CERS1: variants seen among roughly 807,000 people sequenced by gnomAD.
CERS1 encodes Embryonic growth/differentiation factor 1.
In CERS1, 16 loss-of-function variants were observed where a neutral mutation model predicts 35.7. That is an observed-to-expected ratio of 0.45 (90% CI 0.30 to 0.68). The LOEUF (loss-of-function observed/expected upper bound fraction) is 0.68, where lower values mean the gene tolerates loss of function less well. Ranked by LOEUF, CERS1 falls within the 30% of genes least tolerant of loss-of-function variation. The probability of loss-of-function intolerance (pLI) is 0.08; values close to 1 mark genes in which losing one functional copy is unlikely to be tolerated. For missense variants in CERS1, 454 were observed against 453.9 expected, an observed-to-expected ratio of 1.00 and a Z score of 0.00; for synonymous variants, 243 against 201.6, an observed-to-expected ratio of 1.21 and a Z score of -1.74.
rs777923172 is a variant in CERS1 at position 18,880,406 on chromosome 19, A to G, written c.620T>C (p.Phe207Ser). 6.3e-7 allele frequency: 1 copy of G among 1,592,594 alleles called. No individual in the cohort carries two copies. Among genetic ancestry groups the G allele is most frequent in the Non-Finnish European group, 8.5e-7 (1 of 1,169,774 alleles). Reference sequence around the variant, plus strand: ...CTGCACGTCACTGATATCGTGCAGGAAGAGCACAAGGATGCCCACATTGTG... The same window carrying G: ...CTGCACGTCACTGATATCGTGCAGGGAGAGCACAAGGATGCCCACATTGTG... ...RYHNVGILVL[F>S]LHDISDVQLE... Residue 207 changes from phenylalanine to serine, a missense_variant, in exon 4 of 8, where the codon TTC becomes TCC. Physicochemically the swap from Phe to Ser is radical, Grantham distance 155. Coordinates refer to ENST00000623882, the MANE Select transcript of CERS1 (RefSeq NM_021267.5).
At chr19:18,880,214 G>T in intron 4 of CERS1, 60 bp downstream of exon 4, 2 of 1,455,490 alleles carry the variant, frequency 1.4e-6, no homozygotes, top group South Asian at 1.4e-5. Context: ...CCCCTTTTCT[G>T]GACACACCCA....
At chr19:18,890,147 G>C (rs2056455898) in intron 2 of CERS1, among the ~76,000 whole-genome samples, 1 of 152,160 alleles carries the variant, frequency 6.6e-6, no homozygotes, top group Admixed American at 6.5e-5. Flanking sequence ...CACTTGCCTG[G>C]ACAGCAGTCC....
rs1051390015 is a variant in CERS1 at position 18,878,499 on chromosome 19, G to A, written c.1010+431C>T. The A allele has an allele frequency of 1.0e-6, 1 of 1,001,426 alleles. No individual in the cohort carries two copies. Among genetic ancestry groups the A allele is most frequent in the Admixed American group, 5.4e-5 (1 of 18,442 alleles). 62.0% of individuals were successfully genotyped at this position (1,001,426 alleles called of 1,614,324 possible). On this transcript the variant is annotated intron_variant, in intron 6 of 7. Coordinates refer to ENST00000623882, the MANE Select transcript of CERS1 (RefSeq NM_021267.5). This position sits in a 1 kb window ranked among gnomAD's most constrained non-coding sequence, Gnocchi z 4.6. The stretch of plus-strand genomic sequence containing the variant: ...GGATGTCTCGGCCCAGATGGAGCCT[G>A]GGTTCTCTCTGTGGCCCTTGGCGTT...
chr19:18,879,203 G>T, intron 5 of CERS1, 38 bp downstream of exon 5: 1 of 1,611,832 alleles, frequency 6.2e-7, no homozygotes, highest in South Asian at 1.1e-5. Context: ...GGACGAGGAC[G>T]GGACCGCCAC....
rs2056124922 is a variant in CERS1, at chr19:18,879,049, G to A, written c.901-10C>T. On this transcript the variant is annotated splice_polypyrimidine_tract_variant and intron_variant, in intron 5 of 7. Coordinates refer to ENST00000623882, the MANE Select transcript of CERS1 (RefSeq NM_021267.5). ...CAAACGCCACGATGTACTGCGAGAGGGGAGGGGAGGTGCCAGTGAGAAGAA... is the reference window on the plus strand; with the variant it reads ...CAAACGCCACGATGTACTGCGAGAGAGGAGGGGAGGTGCCAGTGAGAAGAA... 1.2e-6 allele frequency: 2 copies of A among 1,612,720 alleles called. No individual in the cohort carries two copies. Among genetic ancestry groups the A allele is most frequent in the East Asian group, 2.2e-5 (1 of 44,860 alleles).
rs1041825781 is a variant in CERS1, at chr19:18,878,866, C to T, written c.1010+64G>A. 8.2e-6 allele frequency: 13 copies of T among 1,576,168 alleles called. No homozygotes were observed. Among genetic ancestry groups the T allele is most frequent in the African/African-American group, 2.7e-5 (2 of 74,138 alleles). On this transcript the variant is annotated intron_variant, in intron 6 of 7. Transcript: ENST00000623882. The surrounding 1 kb of genome is among the most constrained non-coding windows in gnomAD (Gnocchi z 4.6). ...CTGCTGGGTCTTGGGGGCCTGCCCA[C>T]GAACACGCTTGGACGGGTGACACTA...
intron 3 of CERS1, among the ~76,000 whole-genome samples, chr19:18,880,821 C>G (rs113954439): frequency 2.6e-5 from 4 of 152,002 alleles, no homozygotes; most frequent in Non-Finnish European, 5.9e-5. Flanking sequence ...CCTCAGCCCC[C>G]GGAGAAGCTG....
At chr19:18,885,529 T>TC (rs1568302770) in intron 2 of CERS1, among the ~76,000 whole-genome samples, 1 of 148,796 alleles carries the variant, frequency 6.7e-6, no homozygotes, top group Admixed American at 6.7e-5. Context: ...TTTTTTTTTT[T>TC]TTTTTTTTGA....
Position 18,870,481 on chromosome 19 carries a change from A to G in CERS1, c.*96T>C, listed in dbSNP as rs1311836304. 2.3e-5 allele frequency: 8 copies of G among 347,434 alleles called. No homozygotes were observed. The highest frequency in any genetic ancestry group is 3.6e-5 in the Non-Finnish European group (7 of 193,244). The allele number at this position is 347,434 out of a possible 1,614,324, so 21.5% of individuals were successfully genotyped here. On this transcript the variant is annotated 3_prime_UTR_variant, in exon 7 of 8. Coordinates refer to ENST00000623882, the MANE Select transcript of CERS1 (RefSeq NM_021267.5). The surrounding 1 kb of genome is among the most constrained non-coding windows in gnomAD (Gnocchi z 5.1). ...GGGGAGGTGGCGGCGGCCCTAGAGG[A>G]GCAGAGTTGGAGGGGGTGGAGGGGC...
At chr19:18,873,617 C>T (rs2056013029) in intron 6 of CERS1, among the ~76,000 whole-genome samples, 1 of 151,934 alleles carries the variant, frequency 6.6e-6, no homozygotes, top group Admixed American at 6.5e-5. Flanking sequence ...ATGGGTGGAT[C>T]ACCTGAGGTC....
At position 18,868,904 on chromosome 19, in the gene CERS1, C is replaced by A; in HGVS notation, c.*1081G>T. On this transcript the variant is annotated 3_prime_UTR_variant, in exon 8 of 8. Coordinates refer to ENST00000623882, the MANE Select transcript of CERS1 (RefSeq NM_021267.5). ...CACCTCGCGGAAGCTCACGTACAGC[C>A]GCCGCGCGCGACAAGCGCCCCCGGG... The A allele has an allele frequency of 7.2e-7, 1 of 1,386,646 alleles. No individual in the cohort carries two copies. Among genetic ancestry groups the A allele is most frequent in the Admixed American group, 2.5e-5 (1 of 40,042 alleles). The allele number at this position is 1,386,646 out of a possible 1,614,324, so 85.9% of individuals were successfully genotyped here.
chr19:18,888,094 T>A (rs2056403905), intron 2 of CERS1, among the ~76,000 whole-genome samples: 1 of 152,152 alleles, frequency 6.6e-6, no homozygotes, highest in Non-Finnish European at 1.5e-5. Context: ...CTGAGGTGGC[T>A]CACGCCTGTA....
chr19:18,883,283 A>C (rs2056259955), intron 3 of CERS1: 1 of 152,234 alleles, frequency 6.6e-6, no homozygotes, highest in Non-Finnish European at 1.5e-5. Context: ...GCCACATTTA[A>C]CAAGAAAGAG....
chr19:18,885,511 GTTTTTTT>G, intron 2 of CERS1, among the ~76,000 whole-genome samples: 1 of 22,128 alleles, frequency 4.5e-5, no homozygotes, highest in African/African-American at 1.1e-4. Context: ...GCCCCTTCTC[GTTTTTTT>G]TTTTTTTTTT....
chr19:18,876,027 C>T (rs1173630592), intron 6 of CERS1, among the ~76,000 whole-genome samples: 1 of 152,200 alleles, frequency 6.6e-6, no homozygotes. Flanking sequence ...TTATAGAGTT[C>T]CTGGGAAAGT....
At chr19:18,887,177 A>C (rs1190036689) in intron 2 of CERS1, among the ~76,000 whole-genome samples, 1 of 152,248 alleles carries the variant, frequency 6.6e-6, no homozygotes, top group East Asian at 1.9e-4. Context: ...AGCCATGAAA[A>C]AGAATGAAGC....
chr19:18,875,727 AC>A (rs1358715810), intron 6 of CERS1, among the ~76,000 whole-genome samples: 2 of 152,186 alleles, frequency 1.3e-5, no homozygotes, highest in Admixed American at 1.3e-4. Flanking sequence ...AGACAACAAG[AC>A]CAGTGACCCT....
At position 18,887,643 on chromosome 19, in the gene CERS1, C is replaced by G. The variant is rs923927852; in HGVS notation, c.410-3376G>C. On this transcript the variant is annotated intron_variant, in intron 2 of 7. Transcript: ENST00000623882. Reference sequence around the variant, plus strand: ...GCCTGTAATCCCACCTACTCGAAGGCTGAGGCAGGAGCATCACTTAAACCC... The same window carrying G: ...GCCTGTAATCCCACCTACTCGAAGGGTGAGGCAGGAGCATCACTTAAACCC... Among the ~76,000 whole-genome samples, 7 of 151,086 alleles carry G rather than the reference C, an allele frequency of 4.6e-5. 1 individual carries two copies. The highest frequency in any genetic ancestry group is 1.3e-4 in the Admixed American group (2 of 15,030).
intron 3 of CERS1, among the ~76,000 whole-genome samples, chr19:18,881,224 T>G (rs1193688972): frequency 6.6e-6 from 1 of 151,246 alleles, no homozygotes; most frequent in African/African-American, 2.4e-5. Context: ...TTTTTTAATT[T>G]TTTTTTTTTT....
Sources: allele counts gnomAD v4.1 joint callset (sites outside exome capture counted in the v4.1 genomes callset), GRCh38; gene constraint gnomAD v4.1.1; non-coding constraint Gnocchi (gnomAD v3.1); transcripts MANE v1.5; gene names NCBI Gene and HGNC (gene_info 2026-07-23, HGNC 2026-07-21).